HSPG2: variants seen among roughly 807,000 people sequenced by gnomAD.
The protein encoded by HSPG2 is heparan sulfate proteoglycan 2.
Under a neutral mutation model 526.6 loss-of-function variants are expected in HSPG2, and 278 were observed. That is an observed-to-expected ratio of 0.53 (90% CI 0.48 to 0.58). The LOEUF is 0.58. Ranked by LOEUF, HSPG2 falls within the 20% of genes least tolerant of loss-of-function variation. HSPG2 has a pLI of 0.00. For missense variants in HSPG2, 5,354 were observed against 6,099.5 expected (o/e 0.88, Z 4.07); for synonymous variants, 2,465 against 2,555.4 (o/e 0.96, Z 1.07).
Position 21,893,869 on chromosome 1 carries a change from A to G in HSPG2, c.244+2053T>C, listed in dbSNP as rs1642551295. ...CAAAGGTGAAGAAAAAGGCAGAGGGAAAAAGAAAAAAAAAAAAGAACAGGC... is the reference window on the plus strand; with the variant it reads ...CAAAGGTGAAGAAAAAGGCAGAGGGGAAAAGAAAAAAAAAAAAGAACAGGC... On this transcript the variant is annotated intron_variant, in intron 3 of 96. Transcript: ENST00000374695. The surrounding 1 kb of genome is among the most constrained non-coding windows in gnomAD (Gnocchi z 4.3). Among the ~76,000 whole-genome samples, 3 of 151,140 alleles carry G rather than the reference A, an allele frequency of 2.0e-5. No homozygotes were observed. The highest frequency in any genetic ancestry group is 2.0e-4 in the Admixed American group (3 of 15,202).
Position 21,853,019 on chromosome 1 carries a change from G to A in HSPG2, c.6491C>T (p.Ala2164Val), listed in dbSNP as rs371812575. 110 of 1,613,776 alleles carry A rather than the reference G, an allele frequency of 6.8e-5. No homozygotes were observed. The highest frequency in any genetic ancestry group is 1.6e-4 in the Middle Eastern group (1 of 6,082). ...GTTCAGATCCAGGGTCTGCCCTTCC[G>A]CCACGTGTGAGGAGGAGGGCTCGAT... ...IRIEPSSSHV[A>V]EGQTLDLNCV... Residue 2164 changes from alanine (A) to valine (V), a missense_variant, in exon 51 of 97, where the codon GCG becomes GTG. By Grantham distance (64) the Ala-to-Val change is moderately conservative. Coordinates refer to ENST00000374695, the MANE Select transcript of HSPG2 (RefSeq NM_005529.7).
Position 21,892,051 on chromosome 1 carries a change from G to A in HSPG2, c.245-1357C>T, listed in dbSNP as rs561589277. ...TCTGAAATCCGGTGTGTAGGTGGCA[G>A]AGCAGGGAGTGGCACTGTCTGTGCT... On this transcript the variant is annotated intron_variant, in intron 3 of 96. Coordinates refer to ENST00000374695, the MANE Select transcript of HSPG2 (RefSeq NM_005529.7). Among the ~76,000 whole-genome samples the A allele has an allele frequency of 1.4e-4, 21 of 152,392 alleles. No homozygotes were observed. The South Asian group carries it at 4.3e-3, about 32-fold the overall frequency.
Position 21,876,233 on chromosome 1 carries a change from T to C in HSPG2, c.2999A>G (p.Asp1000Gly). Reference sequence around the variant, plus strand: ...GCCTTTCCACCCACTACCCACCTTGTCCCCCAGGAAGCGTGAAGGGAGGCT... The same window carrying C: ...GCCTTTCCACCCACTACCCACCTTGCCCCCCAGGAAGCGTGAAGGGAGGCT... ...FWSLPSRFLG[D>G]KVTSYGGELR... Residue 1000 changes from aspartate (D) to glycine (G), a missense_variant, in exon 23 of 97, where the codon GAC becomes GGC. Transcript: ENST00000374695. 1.9e-6 allele frequency: 3 copies of C among 1,606,432 alleles called. No individual in the cohort carries two copies. The highest frequency in any genetic ancestry group is 2.6e-6 in the Non-Finnish European group (3 of 1,176,376).
chr1:21,859,940 A>G lies in HSPG2; in HGVS notation c.5077T>C (p.Ser1693Pro). Reference protein sequence around the residue: ...PARSIVPQGGSHSLRCQVSGS... With the variant: ...PARSIVPQGGPHSLRCQVSGS... ...CTGACCTGACACCGCAGGGAGTGGG[A>G]GCCACCTTGGGGCACTATGCTTCGA... is the stretch of plus-strand genomic sequence containing the variant. Residue 1693 changes from serine to proline, a missense_variant, in exon 41 of 97, where the codon TCC (serine) becomes CCC (proline). Physicochemically the swap from Ser to Pro is moderately conservative, Grantham distance 74. Transcript: ENST00000374695. This position sits in a 1 kb window ranked among gnomAD's most constrained non-coding sequence, Gnocchi z 5.3. 3 of 1,610,480 alleles carry G rather than the reference A, an allele frequency of 1.9e-6. No homozygotes were observed. Among genetic ancestry groups the G allele is most frequent in the East Asian group, 2.2e-5 (1 of 44,806 alleles).
Position 21,887,555 on chromosome 1 carries a change from G to A in HSPG2, c.823C>T (p.Leu275=), listed in dbSNP as rs756965570. The A allele has an allele frequency of 8.1e-6, 13 of 1,614,032 alleles. No homozygotes were observed. Among genetic ancestry groups the A allele is most frequent in the Admixed American group, 3.3e-5 (2 of 60,006 alleles). Residue 275 remains leucine, a synonymous_variant, in exon 8 of 97, where the codon CTG becomes TTG. Coordinates refer to ENST00000374695, the MANE Select transcript of HSPG2 (RefSeq NM_005529.7). This position sits in a 1 kb window ranked among gnomAD's most constrained non-coding sequence, Gnocchi z 5.0. ...AGGGGCCTGACGGAACCGGGAAGCA[G>A]GGGCTGAGGAGCGTGGGTGACTGGT... ...QPPVTHAPQP[L]LPGSVRPLPC... is the part of the protein sequence containing the mutation.
rs1572389953 is a variant in HSPG2, at chr1:21,893,723, T to G, written c.244+2199A>C. ...GACATTGACAGCGAGGGAGACGAGATGGAGAGAAGCAGAGAGAGAGGCAGA... is the reference window on the plus strand; with the variant it reads ...GACATTGACAGCGAGGGAGACGAGAGGGAGAGAAGCAGAGAGAGAGGCAGA... On this transcript the variant is annotated intron_variant, in intron 3 of 96. Transcript: ENST00000374695. This position sits in a 1 kb window ranked among gnomAD's most constrained non-coding sequence, Gnocchi z 4.3. 6.8e-6 allele frequency among the ~76,000 whole-genome samples: 1 copy of G among 148,076 alleles called. No homozygotes were observed. The highest frequency in any genetic ancestry group is 1.5e-5 in the Non-Finnish European group (1 of 66,916).
At chr1:21,855,198 G>T in intron 47 of HSPG2, 106 bp downstream of exon 47, 5 of 1,439,514 alleles carry the variant, frequency 3.5e-6, no homozygotes, top group Non-Finnish European at 4.7e-6. Flanking sequence ...GGTGAAGGGA[G>T]CCACAGAGGA....
intron 1 of HSPG2, among the ~76,000 whole-genome samples, chr1:21,914,032 TAG>T (rs1216577796): frequency 6.6e-6 from 1 of 152,058 alleles, no homozygotes; most frequent in East Asian, 1.9e-4. Context: ...ATCTGGTGTG[TAG>T]AGAGGGCCCA....
rs373509276 is a variant in HSPG2 at position 21,887,625 on chromosome 1, C to T, written c.753G>A (p.Thr251=). Residue 251 remains threonine (T), a synonymous_variant, in exon 8 of 97, where the codon ACG becomes ACA. Coordinates refer to ENST00000374695, the MANE Select transcript of HSPG2 (RefSeq NM_005529.7). This position sits in a 1 kb window ranked among gnomAD's most constrained non-coding sequence, Gnocchi z 5.0. ...TCTCTGGCCGGGGCGGTAAAGATGT[C>T]GTCTCCACAAGGAGAGAGAATGTGG... The part of the protein sequence containing the change: ...ISPTFSLLVE[T]TSLPPRPETT... 3.4e-5 allele frequency: 55 copies of T among 1,613,840 alleles called. No homozygotes were observed. The highest frequency in any genetic ancestry group is 2.7e-4 in the South Asian group (25 of 91,078).
intron 81 of HSPG2, 57 bp downstream of exon 81, chr1:21,832,438 G>T: frequency 7.0e-7 from 1 of 1,419,474 alleles, no homozygotes; most frequent in Non-Finnish European, 1.0e-6. Flanking sequence ...GGTAGCACTT[G>T]CCAGACCAAA....
At chr1:21,843,155 C>G in intron 66 of HSPG2, 142 bp downstream of exon 66, 1 of 1,274,436 alleles carries the variant, frequency 7.8e-7, no homozygotes, top group East Asian at 2.3e-5. Context: ...TTGGGAACAC[C>G]TGGGTTGGCT....
intron 75 of HSPG2, among the ~76,000 whole-genome samples, chr1:21,836,118 T>G (rs2098025487): frequency 6.6e-6 from 1 of 151,942 alleles, no homozygotes; most frequent in Admixed American, 6.6e-5. Context: ...GGCACCACAC[T>G]CATTTTAGAC....
chr1:21,829,695 G>T, intron 86 of HSPG2, 91 bp from the exon 87 acceptor site: 1 of 1,146,106 alleles, frequency 8.7e-7, no homozygotes, highest in Non-Finnish European at 1.2e-6. Flanking sequence ...ACCCTTGCCT[G>T]CCTCACTCTC....
chr1:21,843,664 T>C lies in HSPG2; in HGVS notation c.8617-226A>G, dbSNP rs1035047273. 1.1e-4 allele frequency among the ~76,000 whole-genome samples: 16 copies of C among 152,150 alleles called. No homozygotes were observed. In the South Asian group the frequency reaches 1.5e-3, roughly 14 times the overall value. On this transcript the variant is annotated intron_variant, in intron 65 of 96. Coordinates refer to ENST00000374695, the MANE Select transcript of HSPG2 (RefSeq NM_005529.7). ...AACAGGTGTCCTTTTCTTTTTTTTTTGAGACAGTGTCTCGCTCTGTCATCC... is the reference window on the plus strand; with the variant it reads ...AACAGGTGTCCTTTTCTTTTTTTTTCGAGACAGTGTCTCGCTCTGTCATCC...
chr1:21,848,074 C>T lies in HSPG2; in HGVS notation c.7757G>A (p.Arg2586Gln), dbSNP rs767128656. 7.9e-5 allele frequency: 127 copies of T among 1,608,992 alleles called. No homozygotes were observed. Among genetic ancestry groups the T allele is most frequent in the Non-Finnish European group, 9.7e-5 (114 of 1,178,112 alleles). The stretch of plus-strand genomic sequence containing the variant: ...GTCTGCCGGAGTCACCTGAGGGATC[C>T]GCAGCCGGGAGCCCACGATCTGCAG... ...SRHQIVGSRL[R>Q]IPQVTPADSG... Residue 2586 changes from arginine to glutamine, a missense_variant, in exon 60 of 97, where the codon CGG becomes CAG. Coordinates refer to ENST00000374695, the MANE Select transcript of HSPG2 (RefSeq NM_005529.7). The surrounding 1 kb of genome is among the most constrained non-coding windows in gnomAD (Gnocchi z 4.9).
At chr1:21,862,836 GGATCACCTGA>G (rs1639905815) in intron 37 of HSPG2, among the ~76,000 whole-genome samples, 1 of 23,518 alleles carries the variant, frequency 4.3e-5, no homozygotes, top group East Asian at 1.5e-3. Flanking sequence ...GGACGTGGGT[GGATCACCTGA>G]GATCAGGAGT....
At position 21,846,219 on chromosome 1, in the gene HSPG2, G is replaced by A. The variant is rs1259613461; in HGVS notation, c.8353C>T (p.Pro2785Ser). 6.2e-7 allele frequency: 1 copy of A among 1,613,028 alleles called. No individual in the cohort carries two copies. Among genetic ancestry groups the A allele is most frequent in the African/African-American group, 1.3e-5 (1 of 75,042 alleles). ...GSRLRLHHVSPADSGEYVCRV... is the reference protein window; with the variant it reads ...GSRLRLHHVSSADSGEYVCRV... ...CACACGTATTCACCCGAGTCGGCCG[G>A]GGACACATGGTGCAGCCGCAGCCGT... The change falls in exon 64 of 97, where the codon CCG (proline) becomes TCG (serine). Residue 2785 changes from proline (P) to serine (S), a missense_variant. Transcript: ENST00000374695.
chr1:21,935,368 G>A (rs1033041480), intron 1 of HSPG2, among the ~76,000 whole-genome samples: 8 of 152,238 alleles, frequency 5.3e-5, no homozygotes, highest in African/African-American at 9.6e-5. Flanking sequence ...CTAAATTACC[G>A]CCCACCAGCC....
At position 21,834,660 on chromosome 1, in the gene HSPG2, A is replaced by T. The variant is rs1448018351; in HGVS notation, c.10720+19T>A. 1 of 1,613,692 alleles carries T rather than the reference A, an allele frequency of 6.2e-7. No homozygotes were observed. The highest frequency in any genetic ancestry group is 8.5e-7 in the Non-Finnish European group (1 of 1,180,002). Reference sequence around the variant, plus strand: ...GCCCCACTCACTGTCCCCCAACAAAAGTCCCCACTGGCCTTCACCTTGCAC... The same window carrying T: ...GCCCCACTCACTGTCCCCCAACAAATGTCCCCACTGGCCTTCACCTTGCAC... On this transcript the variant is annotated intron_variant, in intron 77 of 96. Transcript: ENST00000374695.
Sources: gnomAD v4.1 joint callset for allele counts (sites outside exome capture counted in the v4.1 genomes callset) on GRCh38, gnomAD v4.1.1 for gene constraint, Gnocchi (gnomAD v3.1) non-coding constraint, MANE v1.5 for transcripts, NCBI Gene and HGNC (gene_info 2026-07-23, HGNC 2026-07-21) for gene names.